DPP4: variants seen among roughly 807,000 people sequenced by gnomAD.
The protein encoded by DPP4 is dipeptidyl peptidase 4, also known as ADCP-2.
DPP4 carries 93 observed loss-of-function variants against 122.4 expected under a neutral mutation model. That is an observed-to-expected ratio of 0.76 (90% CI 0.64 to 0.90). The LOEUF (loss-of-function observed/expected upper bound fraction) is 0.90. Ranked by LOEUF, DPP4 falls within the 40% of genes least tolerant of loss-of-function variation. DPP4 has a pLI of 0.00. For synonymous variants in DPP4, 321 were observed against 302.9 expected (o/e 1.06, Z -0.62); for missense variants, 914 against 907.3 (o/e 1.01, Z -0.09).
intron 10 of DPP4, among the ~76,000 whole-genome samples, chr2:162,029,698 G>A (rs573363105): frequency 6.6e-6 from 1 of 152,330 alleles, no homozygotes; most frequent in East Asian, 1.9e-4. Flanking sequence ...GGAGCAGAGA[G>A]AGCAGGGATG....
chr2:161,995,931 C>A (rs971431218), intron 23 of DPP4, among the ~76,000 whole-genome samples: 3 of 152,092 alleles, frequency 2.0e-5, no homozygotes, highest in Admixed American at 2.0e-4. Flanking sequence ...AAAACCTAGG[C>A]AAATGTAACA....
intron 13 of DPP4, 122 bp from the exon 14 acceptor site, chr2:162,020,418 G>T (rs1683082128): frequency 1.9e-6 from 2 of 1,072,466 alleles, no homozygotes; most frequent in Non-Finnish European, 2.7e-6. Flanking sequence ...TTCTTGTTGG[G>T]TTTCCCCACC....
chr2:162,014,887 C>T (rs1682854075), intron 18 of DPP4, among the ~76,000 whole-genome samples: 1 of 152,170 alleles, frequency 6.6e-6, no homozygotes, highest in Non-Finnish European at 1.5e-5. Flanking sequence ...TTGGCCCCAA[C>T]TCTATTTTAG....
In DPP4 at chr2:162,009,311, A is replaced by G. The variant is rs771389301; in HGVS notation, c.1833-16T>C. Reference sequence around the variant, plus strand: ...TGAAAATTGTCTAAAACACAAGGAAAAAGTCCACAGATCAGTACTGCATTG... The same window carrying G: ...TGAAAATTGTCTAAAACACAAGGAAGAAGTCCACAGATCAGTACTGCATTG... On this transcript the variant is annotated splice_polypyrimidine_tract_variant and intron_variant, in intron 20 of 25. Coordinates refer to ENST00000360534, the MANE Select transcript of DPP4 (RefSeq NM_001935.4). The G allele has an allele frequency of 2.5e-6, 4 of 1,612,982 alleles. No individual in the cohort carries two copies. Among genetic ancestry groups the G allele is most frequent in the Non-Finnish European group, 2.5e-6 (3 of 1,179,064 alleles).
At chr2:162,060,372 CTG>C (rs1684719428) in intron 2 of DPP4, among the ~76,000 whole-genome samples, 1 of 152,144 alleles carries the variant, frequency 6.6e-6, no homozygotes, top group South Asian at 2.1e-4. Flanking sequence ...GATGGCAACT[CTG>C]TGGCTTCCTA....
At chr2:162,042,407 T>G (rs1040564185) in intron 5 of DPP4, among the ~76,000 whole-genome samples, 4 of 152,178 alleles carry the variant, frequency 2.6e-5, no homozygotes, top group African/African-American at 9.7e-5. Context: ...CTCACTCACT[T>G]GCTCATTTAT....
Position 162,046,944 on chromosome 2 carries a change from T to C in DPP4, c.256A>G (p.Ser86Gly). 6.3e-7 allele frequency: 1 copy of C among 1,593,900 alleles called. No homozygotes were observed. Among genetic ancestry groups the C allele is most frequent in the Non-Finnish European group, 8.6e-7 (1 of 1,161,844 alleles). ...GTACTGTTCTCCAAGAAAACTGAGC[T>C]GTTTCCATATTCAGCATTGAATACC... ...ILVFNAEYGN[S>G]SVFLENSTFD... Residue 86 changes from serine to glycine, a missense_variant, in exon 4 of 26, where the codon AGC (serine) becomes GGC (glycine). Ser to Gly is a moderately conservative substitution (Grantham distance 56). Coordinates refer to ENST00000360534, the MANE Select transcript of DPP4 (RefSeq NM_001935.4).
At chr2:162,047,687 T>C (rs1684236793) in intron 2 of DPP4, among the ~76,000 whole-genome samples, 186 bp from the exon 3 acceptor site, 1 of 152,168 alleles carries the variant, frequency 6.6e-6, no homozygotes, top group African/African-American at 2.4e-5. Context: ...CATTTAACTA[T>C]GAAGTGTGTG....
intron 2 of DPP4, among the ~76,000 whole-genome samples, chr2:162,070,307 C>CCTCT (rs3831864): frequency 6.7e-6 from 1 of 148,268 alleles, no homozygotes; most frequent in Non-Finnish European, 1.5e-5. Flanking sequence ...TAGTATTAAG[C>CCTCT]CTCTCTCTCT....
At chr2:162,050,825 T>C (rs1684357812) in intron 2 of DPP4, among the ~76,000 whole-genome samples, 1 of 152,220 alleles carries the variant, frequency 6.6e-6, no homozygotes, top group Admixed American at 6.5e-5. Context: ...TACAACCTAT[T>C]TTGTCAAACT....
intron 4 of DPP4, chr2:162,046,561 G>A (rs73971543): frequency 0.026 from 9,324 of 358,872 alleles, 315 homozygotes; most frequent in African/African-American, 0.097. Flanking sequence ...TCTGGGAGAA[G>A]GTTAGCGTTA....
At chr2:162,024,316 C>G (rs1432798147) in intron 11 of DPP4, among the ~76,000 whole-genome samples, 1 of 152,242 alleles carries the variant, frequency 6.6e-6, no homozygotes, top group Non-Finnish European at 1.5e-5. Flanking sequence ...GCCACCCTCT[C>G]AGACTGGCAG....
In DPP4 at chr2:162,018,841, A is replaced by C. The variant is rs1683013934; in HGVS notation, c.1308T>G (p.Leu436=). 1 of 1,614,034 alleles carries C rather than the reference A, an allele frequency of 6.2e-7. No homozygotes were observed. Among genetic ancestry groups the C allele is most frequent in the African/African-American group, 1.3e-5 (1 of 75,040 alleles). Residue 436 remains leucine (L), a synonymous_variant, in exon 16 of 26, where the codon CTT becomes CTG. Coordinates refer to ENST00000360534, the MANE Select transcript of DPP4 (RefSeq NM_001935.4). ...PGGRNLYKIQ[L]SDYTKVTCLS... is the part of the protein sequence containing the mutation. Reference sequence around the variant, plus strand: ...GGCATGTCACTTTTGTATAGTCACTAAGTTGGATTCTGTAAAACCAACGGT... The same window carrying C: ...GGCATGTCACTTTTGTATAGTCACTCAGTTGGATTCTGTAAAACCAACGGT...
At chr2:161,993,434 T>A (rs988482155) in intron 25 of DPP4, 50 bp from the exon 26 acceptor site, 171 of 1,053,308 alleles carry the variant, frequency 1.6e-4, no homozygotes, top group Non-Finnish European at 2.3e-4. Flanking sequence ...GTACTCTTCT[T>A]AAAAAAAAAA....
intron 22 of DPP4, among the ~76,000 whole-genome samples, chr2:162,007,689 A>C (rs1701317736): frequency 6.6e-6 from 1 of 152,136 alleles, no homozygotes; most frequent in Non-Finnish European, 1.5e-5. Flanking sequence ...AATTAATATC[A>C]AGCAGAAAAA....
chr2:161,993,610 T>C (rs143462592), intron 25 of DPP4, among the ~76,000 whole-genome samples: 75 of 152,334 alleles, frequency 4.9e-4, no homozygotes, highest in African/African-American at 1.8e-3. Context: ...TCTGATCCTC[T>C]TTTGCAGGTG....
At chr2:162,055,220 A>G (rs562589270) in intron 2 of DPP4, among the ~76,000 whole-genome samples, 1 of 152,330 alleles carries the variant, frequency 6.6e-6, no homozygotes, top group African/African-American at 2.4e-5. Flanking sequence ...TCTCCCTTCT[A>G]TTAATACATG....
At chr2:162,015,450 A>G (rs1682873905) in intron 18 of DPP4, among the ~76,000 whole-genome samples, 1 of 151,952 alleles carries the variant, frequency 6.6e-6, no homozygotes, top group Middle Eastern at 3.4e-3. Flanking sequence ...ACACCAAACT[A>G]TCAGTTGACC....
chr2:162,016,113 A>T (rs1682916219), intron 18 of DPP4, among the ~76,000 whole-genome samples: 1 of 152,176 alleles, frequency 6.6e-6, no homozygotes, highest in Admixed American at 6.5e-5. Flanking sequence ...CTATTATCCT[A>T]AATTTTTTTA....
Sources: allele counts gnomAD v4.1 joint callset (sites outside exome capture counted in the v4.1 genomes callset), GRCh38; gene constraint gnomAD v4.1.1; transcripts MANE v1.5; gene names NCBI Gene and HGNC (gene_info 2026-07-23, HGNC 2026-07-21).